The following THSD4 variants were observed in gnomAD, a reference collection of about 807,000 sequenced individuals.
THSD4 encodes thrombospondin type-1 domain-containing protein 4.
A neutral mutation model predicts 119.0 loss-of-function variants in THSD4; 69 were observed. The observed-to-expected ratio is 0.58, with a 90% CI of 0.48 to 0.71. THSD4 has a LOEUF of 0.71. Ranked by LOEUF, THSD4 falls within the 30% of genes least tolerant of loss-of-function variation. The pLI is 0.00. For missense variants in THSD4, 1,393 were observed against 1,391.1 expected, an observed-to-expected ratio of 1.00 and a Z score of -0.02; for synonymous variants, 524 against 540.4, an observed-to-expected ratio of 0.97 and a Z score of 0.42.
intron 8 of THSD4, among the ~76,000 whole-genome samples, chr15:71,705,616 G>C (rs1195968652): frequency 1.3e-5 from 2 of 152,150 alleles, no homozygotes; most frequent in African/African-American, 4.8e-5. Flanking sequence ...CTAGTTCTCA[G>C]AAGAGACAAG....
At chr15:71,254,465 A>G (rs1045484900) in intron 5 of THSD4, among the ~76,000 whole-genome samples, 2 of 152,194 alleles carry the variant, frequency 1.3e-5, no homozygotes, top group African/African-American at 4.8e-5. Context: ...ACAGGTTAGG[A>G]TGCACAGGCC....
intron 7 of THSD4, among the ~76,000 whole-genome samples, chr15:71,511,305 T>G (rs1189256676): frequency 6.6e-6 from 1 of 152,190 alleles, no homozygotes; most frequent in Non-Finnish European, 1.5e-5. Context: ...CCAGCTTCTC[T>G]TTCTCAGATT....
At chr15:71,384,956 C>G (rs1016725656) in intron 6 of THSD4, among the ~76,000 whole-genome samples, 2 of 152,112 alleles carry the variant, frequency 1.3e-5, no homozygotes, top group Non-Finnish European at 1.5e-5. Context: ...CCTAAACATG[C>G]AAGAAAAAGA....
At chr15:71,338,339 G>T (rs1596347097) in intron 6 of THSD4, among the ~76,000 whole-genome samples, 1 of 150,288 alleles carries the variant, frequency 6.7e-6, no homozygotes, top group East Asian at 2.0e-4. Context: ...AAAGCAAGGG[G>T]TCTGCTTCAT....
At chr15:71,564,731 CAT>C (rs66795163) in intron 7 of THSD4, among the ~76,000 whole-genome samples, 7,846 of 119,170 alleles carry the variant, frequency 0.066, 917 homozygotes, top group East Asian at 0.46. Context: ...TATATTATAA[CAT>C]ATAATACAAT....
At chr15:71,135,056 T>C (rs996908386) in intron 1 of THSD4, among the ~76,000 whole-genome samples, 7 of 146,628 alleles carry the variant, frequency 4.8e-5, no homozygotes, top group African/African-American at 1.5e-4. Flanking sequence ...GATGAGTTCA[T>C]GTCCTTTGTA....
chr15:71,115,897 G>A lies in THSD4; in HGVS notation c.-80+199G>A, dbSNP rs2040356989. 1.3e-5 allele frequency among the ~76,000 whole-genome samples: 2 copies of A among 152,172 alleles called. No individual in the cohort carries two copies. The highest frequency in any genetic ancestry group is 4.1e-4 in the South Asian group (2 of 4,832). ...CAGCGCGCGCCTGGTCCGTGCGGAC[G>A]GCTGCGCCTCCTTCTCTGGTTCTCT... On this transcript the variant is annotated intron_variant, in intron 1 of 17. Transcript: ENST00000261862. This position sits in a 1 kb window ranked among gnomAD's most constrained non-coding sequence, Gnocchi z 4.4.
intron 7 of THSD4, among the ~76,000 whole-genome samples, chr15:71,574,579 T>C (rs2049414360): frequency 6.6e-6 from 1 of 152,132 alleles, no homozygotes; most frequent in African/African-American, 2.4e-5. Context: ...GCGATGGCTA[T>C]GAAGGTGGGC....
At chr15:71,602,726 G>A (rs951553935) in intron 7 of THSD4, among the ~76,000 whole-genome samples, 1 of 152,186 alleles carries the variant, frequency 6.6e-6, no homozygotes, top group African/African-American at 2.4e-5. Context: ...GAGTAGAAGG[G>A]AATGGGCAGT....
intron 4 of THSD4, among the ~76,000 whole-genome samples, chr15:71,238,115 A>C (rs1273356699): frequency 6.6e-6 from 1 of 152,092 alleles, no homozygotes; most frequent in Non-Finnish European, 1.5e-5. Context: ...GGAAATGTGA[A>C]CAAGTGGAAA....
intron 7 of THSD4, among the ~76,000 whole-genome samples, chr15:71,629,655 G>A (rs1220258000): frequency 6.6e-6 from 1 of 152,096 alleles, no homozygotes; most frequent in Admixed American, 6.6e-5. Flanking sequence ...ATGTTGGGTA[G>A]ACTTGCGTCT....
chr15:71,330,516 C>G (rs779163808), intron 6 of THSD4, among the ~76,000 whole-genome samples: 1 of 152,116 alleles, frequency 6.6e-6, no homozygotes, highest in African/African-American at 2.4e-5. Flanking sequence ...GTTGCTTCGC[C>G]ATTCTGAACT....
intron 8 of THSD4, among the ~76,000 whole-genome samples, chr15:71,725,865 T>G (rs1299362090): frequency 2.0e-5 from 3 of 151,962 alleles, no homozygotes; most frequent in African/African-American, 7.3e-5. Context: ...CACCACAACC[T>G]CCATCTCCCA....
chr15:71,221,606 A>G (rs1189965702), intron 4 of THSD4, among the ~76,000 whole-genome samples: 3 of 152,228 alleles, frequency 2.0e-5, no homozygotes, highest in African/African-American at 7.2e-5. Flanking sequence ...TCCATATTGT[A>G]GCATATTCCT....
chr15:71,653,142 G>T (rs1875414), intron 7 of THSD4, among the ~76,000 whole-genome samples: 1 of 152,012 alleles, frequency 6.6e-6, no homozygotes, highest in Non-Finnish European at 1.5e-5. Context: ...CTACCAAGTC[G>T]CAGGTACTGT....
At chr15:71,170,867 C>G (rs994800888) in intron 3 of THSD4, among the ~76,000 whole-genome samples, 1 of 152,004 alleles carries the variant, frequency 6.6e-6, no homozygotes, top group Non-Finnish European at 1.5e-5. Flanking sequence ...AATCTAACTT[C>G]TTGAGATGAA....
chr15:71,114,253 C>CT (rs1179139781), upstream of THSD4, among the ~76,000 whole-genome samples: 3 of 151,958 alleles, frequency 2.0e-5, no homozygotes, highest in African/African-American at 7.3e-5. Flanking sequence ...ACAATCTTCC[C>CT]TGGGAGCTCC....
rs1211744986 is a variant in THSD4 at position 71,634,902 on chromosome 15, C to G, written c.1153-25628C>G. On this transcript the variant is annotated intron_variant, in intron 7 of 17. Transcript: ENST00000261862. ...ATTAGCAGCTATTGAAGAGCCTTTA[C>G]CCACCATGACAAATGAATACTCCAT... Among the ~76,000 whole-genome samples, 4 of 152,290 alleles carry G rather than the reference C, an allele frequency of 2.6e-5. No individual in the cohort carries two copies. The East Asian group carries it at 7.7e-4, about 29-fold the overall frequency.
intron 2 of THSD4, among the ~76,000 whole-genome samples, chr15:71,142,646 G>C (rs1366934783): frequency 6.6e-6 from 1 of 152,288 alleles, no homozygotes; most frequent in Non-Finnish European, 1.5e-5. Context: ...TGTTTTAGCT[G>C]TGTAGCATTA....
Sources: gnomAD v4.1 joint callset for allele counts (sites outside exome capture counted in the v4.1 genomes callset) on GRCh38, gnomAD v4.1.1 for gene constraint, Gnocchi (gnomAD v3.1) non-coding constraint, MANE v1.5 for transcripts, NCBI Gene and HGNC (gene_info 2026-07-23, HGNC 2026-07-21) for gene names.